The following ZBTB20 variants were observed in gnomAD, a reference collection of about 807,000 sequenced individuals.
The protein encoded by ZBTB20 is zinc finger and BTB domain containing 20.
ZBTB20 carries 9 observed loss-of-function variants against 56.9 expected under a neutral mutation model. The ratio of observed to expected loss-of-function variants is 0.16; its 90% CI spans 0.10 to 0.28. The LOEUF is 0.28. Among genes scored for constraint, ZBTB20 ranks in the 10% least tolerant of loss-of-function variants. The pLI, the probability that ZBTB20 is intolerant of heterozygous loss-of-function variation, is 1.00. For missense variants in ZBTB20, 655 were observed against 1,003.0 expected (o/e 0.65, Z 4.69); for synonymous variants, 417 against 420.7 (o/e 0.99, Z 0.11).
rs2079501129 is a variant in ZBTB20 at position 114,337,540 on chromosome 3, G to A, written c.*1465C>T. Reference sequence around the variant, plus strand: ...GAACAGAATTCTAGATGAATCAGTTGAAAAAATTATTCAGTGGGGCAACTT... The same window carrying A: ...GAACAGAATTCTAGATGAATCAGTTAAAAAAATTATTCAGTGGGGCAACTT... On this transcript the variant is annotated 3_prime_UTR_variant, in exon 12 of 12. Coordinates refer to ENST00000675478, the MANE Select transcript of ZBTB20 (RefSeq NM_001348800.3). 6.6e-6 allele frequency: 1 copy of A among 152,144 alleles called. No homozygotes were observed. Among genetic ancestry groups the A allele is most frequent in the Admixed American group, 6.5e-5 (1 of 15,282 alleles). The allele number at this position is 152,144 out of a possible 1,614,324, so 9.4% of individuals were successfully genotyped here. A position where few individuals can be genotyped will look rare whatever the true frequency, so the allele number is the denominator to read the frequency against.
intron 3 of ZBTB20, chr3:114,930,774 A>G: frequency 3.5e-6 from 1 of 288,394 alleles, no homozygotes; most frequent in Non-Finnish European, 7.0e-6. Context: ...AGAATACCAT[A>G]CAGAAGAGTA....
Position 114,316,293 on chromosome 3 carries a change from C to T in ZBTB20, c.*22712G>A. ...CTTTTTTTCCTTGTTACAATCCATT[C>T]TTTATGAACATACAGAAATGACCAA... On this transcript the variant is annotated 3_prime_UTR_variant, in exon 12 of 12. Transcript: ENST00000675478. The T allele has an allele frequency of 2.8e-6, 1 of 361,654 alleles. No homozygotes were observed. 22.4% of individuals were successfully genotyped at this position (361,654 alleles called of 1,614,324 possible). A position where few individuals can be genotyped will look rare whatever the true frequency, so the allele number is the denominator to read the frequency against.
chr3:114,918,083 G>A (rs188121443), intron 3 of ZBTB20, among the ~76,000 whole-genome samples: 17 of 152,160 alleles, frequency 1.1e-4, no homozygotes, highest in Admixed American at 3.3e-4. Context: ...GAGCTGGCAC[G>A]CAAGCCACAA....
chr3:115,111,614 A>G (rs2083885948), intron 1 of ZBTB20, among the ~76,000 whole-genome samples: 1 of 152,194 alleles, frequency 6.6e-6, no homozygotes, highest in South Asian at 2.1e-4. Context: ...TTACAATAAA[A>G]CAATAGATAT....
At chr3:114,930,503 G>A (rs967411361) in intron 3 of ZBTB20, 1 of 154,394 alleles carries the variant, frequency 6.5e-6, no homozygotes, top group African/African-American at 2.4e-5. Context: ...AGTCACCCCA[G>A]AAGGAGCCAC....
At chr3:114,440,957 C>T (rs747602069) in intron 7 of ZBTB20, among the ~76,000 whole-genome samples, 15 of 152,188 alleles carry the variant, frequency 9.9e-5, no homozygotes, top group Non-Finnish European at 1.5e-4. Context: ...TCTATTTTGG[C>T]ACATATTTGC....
chr3:114,895,757 C>A (rs996998395), intron 4 of ZBTB20, among the ~76,000 whole-genome samples: 3 of 151,996 alleles, frequency 2.0e-5, no homozygotes, highest in Non-Finnish European at 4.4e-5. Flanking sequence ...GGTAGTGGTG[C>A]ACAAAATAAA....
At chr3:114,932,464 CAATT>C (rs2076392913) in intron 3 of ZBTB20, among the ~76,000 whole-genome samples, 1 of 152,226 alleles carries the variant, frequency 6.6e-6, no homozygotes, top group African/African-American at 2.4e-5. Context: ...TTATCATATA[CAATT>C]GTTTGACATC....
At chr3:114,876,693 C>T (rs569514697) in intron 4 of ZBTB20, among the ~76,000 whole-genome samples, 10 of 152,162 alleles carry the variant, frequency 6.6e-5, no homozygotes, top group African/African-American at 2.4e-4. Flanking sequence ...AAATCTAGTA[C>T]ATTACTATTA....
intron 2 of ZBTB20, among the ~76,000 whole-genome samples, chr3:115,041,141 G>C (rs2081124789): frequency 6.6e-6 from 1 of 152,092 alleles, no homozygotes; most frequent in Non-Finnish European, 1.5e-5. Context: ...GAGTTCAATG[G>C]AATCTTAAAT....
chr3:115,092,750 T>C (rs1036201897), intron 1 of ZBTB20, among the ~76,000 whole-genome samples: 4 of 152,046 alleles, frequency 2.6e-5, no homozygotes, highest in African/African-American at 7.2e-5. Context: ...CCATAGGCAA[T>C]TAAGTCAGTT....
chr3:114,749,921 T>C (rs1023507953), intron 5 of ZBTB20, among the ~76,000 whole-genome samples: 1 of 152,194 alleles, frequency 6.6e-6, no homozygotes, highest in South Asian at 2.1e-4. Flanking sequence ...AATCACCACA[T>C]GCAGTAAAAC....
At chr3:114,641,488 TATAAA>T (rs1470221582) in intron 6 of ZBTB20, among the ~76,000 whole-genome samples, 1 of 151,746 alleles carries the variant, frequency 6.6e-6, no homozygotes, top group Non-Finnish European at 1.5e-5. Flanking sequence ...CTTATATAGA[TATAAA>T]ATAGGGTTTC....
At chr3:114,392,796 G>A (rs1341392011) in intron 7 of ZBTB20, among the ~76,000 whole-genome samples, 1 of 152,106 alleles carries the variant, frequency 6.6e-6, no homozygotes, top group Non-Finnish European at 1.5e-5. Context: ...GGAAACATTA[G>A]TTGTTTCTCT....
intron 7 of ZBTB20, among the ~76,000 whole-genome samples, chr3:114,489,740 AAAG>A (rs1433169628): frequency 1.1e-4 from 17 of 152,212 alleles, no homozygotes; most frequent in Non-Finnish European, 1.5e-5. Flanking sequence ...ATATTAAAAA[AAAG>A]CTGTTTTGCT....
At chr3:114,638,361 C>T (rs1236145110) in intron 6 of ZBTB20, among the ~76,000 whole-genome samples, 1 of 152,076 alleles carries the variant, frequency 6.6e-6, no homozygotes, top group East Asian at 1.9e-4. Context: ...GAGATATCAG[C>T]ACAGACTTTA....
chr3:114,713,098 A>T (rs1162730402), intron 5 of ZBTB20, among the ~76,000 whole-genome samples: 2 of 152,190 alleles, frequency 1.3e-5, no homozygotes, highest in East Asian at 3.8e-4. Flanking sequence ...TACCATATGA[A>T]GTGCAAATCC....
chr3:114,724,331 A>G (rs2065123006), intron 5 of ZBTB20, among the ~76,000 whole-genome samples: 1 of 152,212 alleles, frequency 6.6e-6, no homozygotes, highest in African/African-American at 2.4e-5. Flanking sequence ...ATAGCTACCA[A>G]CCATATAATT....
chr3:114,367,583 G>A (rs2082549590), intron 10 of ZBTB20, among the ~76,000 whole-genome samples: 1 of 152,158 alleles, frequency 6.6e-6, no homozygotes, highest in Non-Finnish European at 1.5e-5. Flanking sequence ...TGACTAGAAT[G>A]CACTTGAAGA....
Sources: gnomAD v4.1 joint callset for allele counts (sites outside exome capture counted in the v4.1 genomes callset) on GRCh38, gnomAD v4.1.1 for gene constraint, MANE v1.5 for transcripts, NCBI Gene and HGNC (gene_info 2026-07-23, HGNC 2026-07-21) for gene names.